Variants in FHIT observed in about 807,000 individuals in gnomAD.
FHIT encodes fragile histidine triad diadenosine triphosphatase.
Under a neutral mutation model 17.9 loss-of-function variants are expected in FHIT, and 19 were observed. The ratio of observed to expected loss-of-function variants is 1.06; its 90% CI spans 0.74 to 1.56. The LOEUF (loss-of-function observed/expected upper bound fraction) is 1.56, where lower values mean the gene tolerates loss of function less well. Ranked by LOEUF, FHIT falls within the 40% of genes most tolerant of loss-of-function variation. FHIT has a pLI of 0.00. For missense variants in FHIT, 248 were observed against 189.2 expected (o/e 1.31, Z -1.82); for synonymous variants, 81 against 69.7 (o/e 1.16, Z -0.81).
intron 7 of FHIT, among the ~76,000 whole-genome samples, chr3:59,983,718 T>C (rs1013716805): frequency 2.0e-5 from 3 of 152,096 alleles, no homozygotes; most frequent in Non-Finnish European, 2.9e-5. Flanking sequence ...AACCTGGCTG[T>C]GGAAGGTGGC....
At chr3:60,994,199 T>C (rs576787566) in intron 3 of FHIT, among the ~76,000 whole-genome samples, 482 of 152,348 alleles carry the variant, frequency 3.2e-3, no homozygotes, top group Non-Finnish European at 4.6e-3. Flanking sequence ...AAGTTATGTA[T>C]GTGGCTCACA....
intron 8 of FHIT, among the ~76,000 whole-genome samples, chr3:59,849,709 C>T (rs1701859866): frequency 6.6e-6 from 1 of 152,182 alleles, no homozygotes; most frequent in South Asian, 2.1e-4. Flanking sequence ...TAATGACGAA[C>T]TATCTAAAAC....
chr3:60,650,053 A>G (rs1334484281), intron 4 of FHIT, among the ~76,000 whole-genome samples: 1 of 152,248 alleles, frequency 6.6e-6, no homozygotes, highest in Non-Finnish European at 1.5e-5. Flanking sequence ...TCTGGGGGCC[A>G]GAAAACTCAG....
intron 1 of FHIT, among the ~76,000 whole-genome samples, chr3:61,211,175 C>G (rs1246948972): frequency 2.6e-5 from 4 of 151,622 alleles, no homozygotes; most frequent in African/African-American, 7.3e-5. Flanking sequence ...TGCAGAGCAC[C>G]GTGCACAAGC....
intron 2 of FHIT, among the ~76,000 whole-genome samples, chr3:61,061,350 C>G (rs893969902): frequency 6.6e-6 from 1 of 152,064 alleles, no homozygotes; most frequent in African/African-American, 2.4e-5. Context: ...TGTTTCTCAT[C>G]TTTATCTATC....
intron 4 of FHIT, among the ~76,000 whole-genome samples, chr3:60,594,503 C>G (rs371353943): frequency 6.6e-6 from 1 of 152,096 alleles, no homozygotes; most frequent in Non-Finnish European, 1.5e-5. Flanking sequence ...CAGGACCAAC[C>G]AGTGAAAGCT....
intron 7 of FHIT, among the ~76,000 whole-genome samples, chr3:60,009,142 C>A (rs778296999): frequency 1.4e-5 from 2 of 143,332 alleles, no homozygotes; most frequent in Non-Finnish European, 3.0e-5. Flanking sequence ...AGCTTTGGAA[C>A]CTTCATTGTT....
intron 4 of FHIT, among the ~76,000 whole-genome samples, chr3:60,798,735 A>G (rs1248963651): frequency 2.7e-5 from 4 of 146,956 alleles, no homozygotes; most frequent in Non-Finnish European, 6.0e-5. Flanking sequence ...CTATTCTCAC[A>G]TGCACTACTG....
chr3:60,353,614 T>G (rs1334193277), intron 5 of FHIT, among the ~76,000 whole-genome samples: 1 of 152,128 alleles, frequency 6.6e-6, no homozygotes, highest in Non-Finnish European at 1.5e-5. Flanking sequence ...AAAGTGAGAT[T>G]TTTTATTTTT....
In FHIT at chr3:59,968,544, G is replaced by A. The variant is rs111553047; in HGVS notation, c.279+42827C>T. On this transcript the variant is annotated intron_variant, in intron 7 of 9. Coordinates refer to ENST00000492590, the MANE Select transcript of FHIT (RefSeq NM_002012.4). ...ATCAAGAAATAAACCTTCATCTCCC[G>A]ATTCCAAAAATCAGATACCAGCAGT... is the stretch of plus-strand genomic sequence containing the variant. Among the ~76,000 whole-genome samples the A allele has an allele frequency of 9.1e-3, 1,380 of 152,072 alleles. 13 individuals carry two copies. The highest frequency in any genetic ancestry group is 0.015 in the Non-Finnish European group (1,039 of 67,962).
At chr3:60,240,517 C>T (rs1705070564) in intron 5 of FHIT, among the ~76,000 whole-genome samples, 1 of 152,150 alleles carries the variant, frequency 6.6e-6, no homozygotes, top group East Asian at 1.9e-4. Flanking sequence ...TGTTTGAGCT[C>T]ACACATAACG....
intron 5 of FHIT, among the ~76,000 whole-genome samples, chr3:60,408,214 A>C (rs564057501): frequency 6.6e-6 from 1 of 152,050 alleles, no homozygotes; most frequent in Non-Finnish European, 1.5e-5. Context: ...TGGACTAACC[A>C]CCCTGCACGT....
At chr3:59,995,948 C>G (rs1359206478) in intron 7 of FHIT, among the ~76,000 whole-genome samples, 1 of 152,066 alleles carries the variant, frequency 6.6e-6, no homozygotes, top group Non-Finnish European at 1.5e-5. Flanking sequence ...TTCCTTCACA[C>G]AGGGGTGAGG....
intron 5 of FHIT, among the ~76,000 whole-genome samples, chr3:60,410,027 CAAG>C (rs1702006185): frequency 6.6e-6 from 1 of 152,066 alleles, no homozygotes; most frequent in Admixed American, 6.6e-5. Flanking sequence ...ATAATTCTGG[CAAG>C]AAGTACAAAT....
chr3:60,001,926 G>A (rs901538204), intron 7 of FHIT, among the ~76,000 whole-genome samples: 2 of 152,160 alleles, frequency 1.3e-5, no homozygotes, highest in African/African-American at 4.8e-5. Context: ...CTGTTTGTCA[G>A]GGCACCAGGA....
intron 8 of FHIT, among the ~76,000 whole-genome samples, chr3:59,769,742 T>C (rs1042261027): frequency 1.3e-5 from 2 of 152,070 alleles, no homozygotes; most frequent in African/African-American, 4.8e-5. Context: ...TTTTTTTTTT[T>C]TTTTTGAAAA....
intron 5 of FHIT, among the ~76,000 whole-genome samples, chr3:60,224,699 G>T (rs1445695235): frequency 7.7e-6 from 1 of 130,058 alleles, no homozygotes; most frequent in Admixed American, 7.8e-5. Flanking sequence ...TCTCTCACCA[G>T]GATTTTTATT....
At chr3:61,162,498 C>T (rs1360281861) in intron 2 of FHIT, among the ~76,000 whole-genome samples, 1 of 152,190 alleles carries the variant, frequency 6.6e-6, no homozygotes, top group Non-Finnish European at 1.5e-5. Context: ...GTGAATTCCA[C>T]CCCATACTTC....
chr3:61,216,450 T>C (rs1028679751), intron 1 of FHIT, among the ~76,000 whole-genome samples: 6 of 152,310 alleles, frequency 3.9e-5, no homozygotes, highest in East Asian at 1.9e-4. Context: ...TGAGATACCA[T>C]GTTACACCAG....
Sources: gnomAD v4.1 joint callset for allele counts (sites outside exome capture counted in the v4.1 genomes callset) on GRCh38, gnomAD v4.1.1 for gene constraint, MANE v1.5 for transcripts, NCBI Gene and HGNC (gene_info 2026-07-23, HGNC 2026-07-21) for gene names.